Variants in DIP2C observed in about 807,000 individuals in gnomAD.
DIP2C encodes the protein disco-interacting protein 2 homolog C.
Under a neutral mutation model 192.4 loss-of-function variants are expected in DIP2C, and 33 were observed. That is an observed-to-expected ratio of 0.17 (90% CI 0.13 to 0.23). The LOEUF is 0.23. DIP2C is among the 10% of genes least tolerant of loss of function. The probability of loss-of-function intolerance (pLI) is 1.00; values close to 1 mark genes in which losing one functional copy is unlikely to be tolerated. For missense variants in DIP2C, 1,537 were observed against 2,110.1 expected, an observed-to-expected ratio of 0.73 and a Z score of 5.32; for synonymous variants, 979 against 864.1, an observed-to-expected ratio of 1.13 and a Z score of -2.33.
At chr10:658,127 C>T (rs1235820818) in intron 1 of DIP2C, among the ~76,000 whole-genome samples, 5 of 139,990 alleles carry the variant, frequency 3.6e-5, no homozygotes, top group South Asian at 2.2e-4. Flanking sequence ...CTGGACCTGC[C>T]GCTGGACCTG....
At chr10:517,397 T>G (rs1846431407) in intron 1 of DIP2C, among the ~76,000 whole-genome samples, 1 of 152,062 alleles carries the variant, frequency 6.6e-6, no homozygotes. Flanking sequence ...TCAGCAGCTG[T>G]TTTCTGGGGA....
intron 1 of DIP2C, among the ~76,000 whole-genome samples, chr10:677,855 G>A (rs1830926912): frequency 6.6e-6 from 1 of 152,228 alleles, no homozygotes; most frequent in African/African-American, 2.4e-5. Context: ...CCACAGACAG[G>A]TGGGTGGCCT....
chr10:520,550 G>A (rs1846634821), intron 1 of DIP2C, among the ~76,000 whole-genome samples: 1 of 152,202 alleles, frequency 6.6e-6, no homozygotes, highest in African/African-American at 2.4e-5. Flanking sequence ...GGGCTCTCCA[G>A]GAAACATGAA....
intron 2 of DIP2C, among the ~76,000 whole-genome samples, chr10:483,354 ACC>A (rs1204354953): frequency 6.2e-4 from 94 of 152,378 alleles, no homozygotes; most frequent in African/African-American, 2.0e-3. Flanking sequence ...CATGGGGCCA[ACC>A]AAGAAAGCAG....
rs530215410 is a variant in DIP2C, at chr10:507,104, G to A, written c.86-20574C>T. On this transcript the variant is annotated intron_variant, in intron 1 of 36. Transcript: ENST00000280886. Reference sequence around the variant, plus strand: ...CCCGGTCACCCGCTGTGCACGATGAGAGGTATGCGAGGTTAGGGACCTGGT... The same window carrying A: ...CCCGGTCACCCGCTGTGCACGATGAAAGGTATGCGAGGTTAGGGACCTGGT... 2.0e-5 allele frequency among the ~76,000 whole-genome samples: 3 copies of A among 151,750 alleles called. No homozygotes were observed. In the East Asian group the frequency reaches 5.8e-4, roughly 30 times the overall value.
intron 3 of DIP2C, among the ~76,000 whole-genome samples, chr10:448,519 C>T (rs528730999): frequency 1.5e-4 from 22 of 142,078 alleles, no homozygotes; most frequent in African/African-American, 2.8e-4. Context: ...CGCTCACTCC[C>T]GTTGATACTC....
At chr10:542,334 T>TG (rs1239433995) in intron 1 of DIP2C, among the ~76,000 whole-genome samples, 1 of 152,220 alleles carries the variant, frequency 6.6e-6, no homozygotes, top group East Asian at 1.9e-4. Context: ...AGATGCTCTA[T>TG]GTCTTCTCCT....
In DIP2C at chr10:627,099, C is replaced by T. The variant is rs996800437; in HGVS notation, c.85+62395G>A. 9.8e-4 allele frequency among the ~76,000 whole-genome samples: 149 copies of T among 152,338 alleles called. 5 individuals carry two copies. Among genetic ancestry groups the T allele is most frequent in the East Asian group, 3.9e-4 (2 of 5,178 alleles). ...TCGCTCGGCTATGGAGGAAAATCCG[C>T]GTGGGGCTCAGAGATGGGTGGTCCC... On this transcript the variant is annotated intron_variant, in intron 1 of 36. Transcript: ENST00000280886.
intron 30 of DIP2C, 130 bp downstream of exon 30, chr10:329,303 G>A: frequency 1.0e-6 from 1 of 962,548 alleles, no homozygotes; most frequent in South Asian, 2.3e-5. Context: ...GTAAGCTTCA[G>A]GTGACGTTAG....
chr10:658,212 C>CCTGGACCTGCCG (rs1284017785), intron 1 of DIP2C, among the ~76,000 whole-genome samples: 61 of 147,296 alleles, frequency 4.1e-4, no homozygotes, highest in Non-Finnish European at 8.2e-4. Flanking sequence ...TGGACCTGCC[C>CCTGGACCTGCCG]CTGGACCTGC....
rs546425502 is a variant in DIP2C at position 650,511 on chromosome 10, C to G, written c.85+38983G>C. Reference sequence around the variant, plus strand: ...TCTACTGGGTTCCCTATACTCTTCCCCTGCCCCAGCTGGTCCCCCCATGAC... The same window carrying G: ...TCTACTGGGTTCCCTATACTCTTCCGCTGCCCCAGCTGGTCCCCCCATGAC... On this transcript the variant is annotated intron_variant, in intron 1 of 36. Coordinates refer to ENST00000280886, the MANE Select transcript of DIP2C (RefSeq NM_014974.3). 307 of 690,234 alleles carry G rather than the reference C, an allele frequency of 4.4e-4. No individual in the cohort carries two copies. In the African/African-American group the frequency reaches 4.5e-3, roughly 10 times the overall value. 42.8% of individuals were successfully genotyped at this position (690,234 alleles called of 1,614,324 possible).
intron 1 of DIP2C, among the ~76,000 whole-genome samples, chr10:627,956 T>C (rs1396582741): frequency 6.6e-6 from 1 of 152,244 alleles, no homozygotes; most frequent in Non-Finnish European, 1.5e-5. Context: ...TGTAACGACT[T>C]TGCTGTTTTA....
chr10:604,372 C>A (rs946392981), intron 1 of DIP2C, among the ~76,000 whole-genome samples: 1 of 152,174 alleles, frequency 6.6e-6, no homozygotes, highest in Non-Finnish European at 1.5e-5. Context: ...ATGAGGAAGG[C>A]AGTTGCTCCC....
At position 651,019 on chromosome 10, in the gene DIP2C, C is replaced by A. The variant is rs1481663730; in HGVS notation, c.85+38475G>T. The A allele has an allele frequency of 4.2e-6, 3 of 717,164 alleles. No homozygotes were observed. Among genetic ancestry groups the A allele is most frequent in the Non-Finnish European group, 7.8e-6 (3 of 385,068 alleles). The allele number at this position is 717,164 out of a possible 1,614,324, so 44.4% of individuals were successfully genotyped here. A position where few individuals can be genotyped will look rare whatever the true frequency, so the allele number is the denominator to read the frequency against. ...CCGGTGCCAGGGCTCAGGCCCCAGC[C>A]CCCGTTTCTGCAGAAGCCCCTTTCC... On this transcript the variant is annotated intron_variant, in intron 1 of 36. Coordinates refer to ENST00000280886, the MANE Select transcript of DIP2C (RefSeq NM_014974.3). The surrounding 1 kb of genome is among the most constrained non-coding windows in gnomAD (Gnocchi z 4.1).
chr10:339,275 A>G (rs567206990), intron 29 of DIP2C, among the ~76,000 whole-genome samples: 3 of 152,260 alleles, frequency 2.0e-5, no homozygotes, highest in Non-Finnish European at 2.9e-5. Context: ...ATCTGTTTCT[A>G]TAGAGATTTT....
chr10:513,397 A>T (rs985816139), intron 1 of DIP2C, among the ~76,000 whole-genome samples: 2 of 152,232 alleles, frequency 1.3e-5, no homozygotes, highest in African/African-American at 4.8e-5. Flanking sequence ...TCAAGGACGG[A>T]AGTCTCCCCT....
chr10:414,016 C>G lies in DIP2C; in HGVS notation c.954G>C (p.Pro318=). 6.2e-7 allele frequency: 1 copy of G among 1,614,110 alleles called. No individual in the cohort carries two copies. Among genetic ancestry groups the G allele is most frequent in the Non-Finnish European group, 8.5e-7 (1 of 1,179,996 alleles). Reference sequence around the variant, plus strand: ...ACCTCTGCAGTGCGGCCTCCAGCGACGGCGGCCAGTTCGTGACCACGCCCA... The same window carrying G: ...ACCTCTGCAGTGCGGCCTCCAGCGAGGGCGGCCAGTTCGTGACCACGCCCA... The part of the protein sequence containing the change: ...EQLGVVTNWP[P]SLEAALQRWG... The change falls in exon 8 of 37, where the codon CCG becomes CCC. Residue 318 remains proline (P), a synonymous_variant. Transcript: ENST00000280886.
chr10:337,731 G>C (rs1372339103), intron 29 of DIP2C, among the ~76,000 whole-genome samples: 1 of 145,496 alleles, frequency 6.9e-6, no homozygotes, highest in African/African-American at 2.6e-5. Flanking sequence ...TGATGTGTGT[G>C]TGTGTTGTGG....
chr10:503,722 G>T (rs1382399792), intron 1 of DIP2C, among the ~76,000 whole-genome samples: 1 of 152,214 alleles, frequency 6.6e-6, no homozygotes, highest in Non-Finnish European at 1.5e-5. Context: ...GTTAACGTTT[G>T]CTGGCCTCTA....
Sources: allele counts gnomAD v4.1 joint callset (sites outside exome capture counted in the v4.1 genomes callset), GRCh38; gene constraint gnomAD v4.1.1; non-coding constraint Gnocchi (gnomAD v3.1); transcripts MANE v1.5; gene names NCBI Gene and HGNC (gene_info 2026-07-23, HGNC 2026-07-21).